HTR1F: variants seen among roughly 807,000 people sequenced by gnomAD.
HTR1F encodes the protein 5-hydroxytryptamine (serotonin) receptor 1F, G protein-coupled.
HTR1F carries 17 observed loss-of-function variants against 24.0 expected under a neutral mutation model. The ratio of observed to expected loss-of-function variants is 0.71; its 90% confidence interval spans 0.48 to 1.06. The LOEUF (loss-of-function observed/expected upper bound fraction) is 1.06. Ranked by LOEUF, HTR1F falls within the 50% of genes least tolerant of loss-of-function variation. The pLI is 0.00. For missense variants in HTR1F, 391 were observed against 427.8 expected (o/e 0.91, Z 0.76); for synonymous variants, 186 against 156.8 (o/e 1.19, Z -1.39).
At chr3:87,894,875 C>G (rs1706165591) in intron 2 of HTR1F, among the ~76,000 whole-genome samples, 1 of 152,016 alleles carries the variant, frequency 6.6e-6, no homozygotes, top group Admixed American at 6.6e-5. Context: ...AAATGTTGGT[C>G]ATTTTAAATA....
At chr3:87,937,083 CAAA>C (rs35169317) in intron 2 of HTR1F, among the ~76,000 whole-genome samples, 2 of 113,910 alleles carry the variant, frequency 1.8e-5, no homozygotes, top group African/African-American at 6.5e-5. Flanking sequence ...TGAAACTACC[CAAA>C]AAAAAAAAAA....
intron 2 of HTR1F, among the ~76,000 whole-genome samples, chr3:87,930,039 G>C (rs1704223743): frequency 6.6e-6 from 1 of 152,134 alleles, no homozygotes; most frequent in South Asian, 2.1e-4. Flanking sequence ...TGTAATCCTA[G>C]GTATTTTATC....
intron 2 of HTR1F, among the ~76,000 whole-genome samples, chr3:87,987,743 TAA>T (rs1434923583): frequency 7.1e-6 from 1 of 140,398 alleles, no homozygotes; most frequent in African/African-American, 2.6e-5. Context: ...TTTATATATA[TAA>T]AATATATGTA....
intron 2 of HTR1F, among the ~76,000 whole-genome samples, chr3:87,924,581 T>C (rs994276935): frequency 6.6e-6 from 1 of 152,124 alleles, no homozygotes; most frequent in African/African-American, 2.4e-5. Flanking sequence ...AAATTCCCTG[T>C]TTTTTCTTGT....
intron 2 of HTR1F, among the ~76,000 whole-genome samples, chr3:87,918,835 GA>G (rs1703950492): frequency 1.3e-5 from 2 of 151,736 alleles, no homozygotes; most frequent in South Asian, 4.1e-4. Context: ...GTCTCCATCA[GA>G]ATACCACCAT....
chr3:87,970,103 A>G (rs976979039), intron 2 of HTR1F, among the ~76,000 whole-genome samples: 1 of 152,228 alleles, frequency 6.6e-6, no homozygotes, highest in African/African-American at 2.4e-5. Flanking sequence ...CTTTATCAGC[A>G]GTGTGAGAAC....
At chr3:87,904,864 G>T (rs1273837956) in intron 2 of HTR1F, among the ~76,000 whole-genome samples, 1 of 152,060 alleles carries the variant, frequency 6.6e-6, no homozygotes. Flanking sequence ...TTTTGGAGGA[G>T]ACATAGGGAT....
chr3:87,819,814 C>T (rs752383028), intron 1 of HTR1F, among the ~76,000 whole-genome samples: 1 of 151,844 alleles, frequency 6.6e-6, no homozygotes, highest in Admixed American at 6.6e-5. Context: ...CAAAATGAAA[C>T]TCAATATTAA....
At chr3:87,906,143 T>A (rs1015583658) in intron 2 of HTR1F, among the ~76,000 whole-genome samples, 2 of 152,088 alleles carry the variant, frequency 1.3e-5, no homozygotes, top group African/African-American at 4.8e-5. Context: ...AGTGTTCCAA[T>A]ATATAACTCA....
chr3:87,851,394 C>T (rs1395388852), intron 2 of HTR1F, among the ~76,000 whole-genome samples: 1 of 151,532 alleles, frequency 6.6e-6, no homozygotes, highest in Non-Finnish European at 1.5e-5. Context: ...TTTAAACTTT[C>T]ATTCAATCTG....
At chr3:87,899,191 T>G (rs887146568) in intron 2 of HTR1F, among the ~76,000 whole-genome samples, 8 of 152,226 alleles carry the variant, frequency 5.3e-5, no homozygotes, top group African/African-American at 1.9e-4. Flanking sequence ...AAATAATGTA[T>G]TAAGGAAACC....
At chr3:87,826,001 T>C in intron 2 of HTR1F, among the ~76,000 whole-genome samples, 1 of 152,350 alleles carries the variant, frequency 6.6e-6, no homozygotes, top group South Asian at 2.1e-4. Context: ...CATAGGATTG[T>C]TGTGAAGACT....
chr3:87,991,315 C>A lies in HTR1F; in HGVS notation c.566C>A (p.Ala189Asp). 6.2e-7 allele frequency: 1 copy of A among 1,613,950 alleles called. No homozygotes were observed. Among genetic ancestry groups the A allele is most frequent in the East Asian group, 2.2e-5 (1 of 44,886 alleles). ...IVSTIYSTFG[A>D]FYIPLALILI... Reference sequence around the variant, plus strand: ...TCCACCATTTACTCAACATTTGGAGCTTTCTACATCCCACTGGCATTGATT... The same window carrying A: ...TCCACCATTTACTCAACATTTGGAGATTTCTACATCCCACTGGCATTGATT... The change falls in exon 3 of 3, where the codon GCT (alanine) becomes GAT (aspartate). Residue 189 changes from alanine to aspartate, a missense_variant. Ala to Asp is a moderately radical substitution (Grantham distance 126). Coordinates refer to ENST00000319595, the MANE Select transcript of HTR1F (RefSeq NM_001322209.2).
chr3:87,991,165 A>C lies in HTR1F; in HGVS notation c.416A>C (p.His139Pro), dbSNP rs1410714605. 6.2e-7 allele frequency: 1 copy of C among 1,614,082 alleles called. No individual in the cohort carries two copies. Among genetic ancestry groups the C allele is most frequent in the Non-Finnish European group, 8.5e-7 (1 of 1,180,004 alleles). The change falls in exon 3 of 3, where the codon CAT becomes CCT. Residue 139 changes from histidine to proline, a missense_variant. By Grantham distance (77) the His-to-Pro change is moderately conservative. Transcript: ENST00000319595. ...VEYARKRTPK[H>P]AGIMITIVWI... ...TATGCCAGGAAAAGGACTCCAAAGC[A>C]TGCTGGCATTATGATTACAATAGTT...
intron 1 of HTR1F, among the ~76,000 whole-genome samples, chr3:87,799,949 T>C (rs2107063511): frequency 6.6e-6 from 1 of 152,280 alleles, no homozygotes; most frequent in Middle Eastern, 3.4e-3. Context: ...TCCAAATTTC[T>C]TTTTTAAAGT....
At chr3:87,861,341 T>C (rs1340539688) in intron 2 of HTR1F, among the ~76,000 whole-genome samples, 3 of 152,142 alleles carry the variant, frequency 2.0e-5, no homozygotes, top group Admixed American at 1.3e-4. Flanking sequence ...TAAATCCATT[T>C]TGAATACAGC....
intron 2 of HTR1F, among the ~76,000 whole-genome samples, chr3:87,915,572 C>G (rs568620145): frequency 6.6e-6 from 1 of 151,976 alleles, no homozygotes; most frequent in African/African-American, 2.4e-5. Flanking sequence ...TCTGGAAAAT[C>G]GGAAGACCAA....
chr3:87,942,926 A>G (rs1420033067), intron 2 of HTR1F, among the ~76,000 whole-genome samples: 1 of 152,160 alleles, frequency 6.6e-6, no homozygotes, highest in East Asian at 1.9e-4. Context: ...GTTGGCCTTC[A>G]ATAGAATCAG....
At chr3:87,985,338 AAAAAAAAAAAGC>A (rs1705640313) in intron 2 of HTR1F, among the ~76,000 whole-genome samples, 2 of 24,684 alleles carry the variant, frequency 8.1e-5, no homozygotes, top group Admixed American at 5.3e-4. Flanking sequence ...CTCCATCTCA[AAAAAAAAAAAGC>A]AAAGAAAAAG....
Sources: gnomAD v4.1 joint callset for allele counts (sites outside exome capture counted in the v4.1 genomes callset) on GRCh38, gnomAD v4.1.1 for gene constraint, MANE v1.5 for transcripts, NCBI Gene and HGNC (gene_info 2026-07-23, HGNC 2026-07-21) for gene names.